The following DPYD variants were observed in gnomAD, a reference collection of about 807,000 sequenced individuals.
DPYD encodes the protein dihydropyrimidine dehydrogenase [NADP(+)].
A neutral mutation model predicts 116.2 loss-of-function variants in DPYD; 109 were observed. That is an observed-to-expected ratio of 0.94 (90% CI 0.80 to 1.10). The LOEUF (loss-of-function observed/expected upper bound fraction) is 1.10. Ranked by LOEUF, DPYD falls within the 50% of genes least tolerant of loss-of-function variation. The probability of loss-of-function intolerance (pLI) is 0.00; values close to 1 mark genes in which losing one functional copy is unlikely to be tolerated. For synonymous variants in DPYD, 440 were observed against 432.0 expected (o/e 1.02, Z -0.23); for missense variants, 1,302 against 1,254.5 (o/e 1.04, Z -0.57).
chr1:97,282,418 A>G (rs1665386170), intron 18 of DPYD, among the ~76,000 whole-genome samples: 1 of 151,840 alleles, frequency 6.6e-6, no homozygotes, highest in South Asian at 2.1e-4. Context: ...TTTTTCAGAG[A>G]TGCAGAGGTT....
rs182607430 is a variant in DPYD, at chr1:97,659,313, A to T, written c.850+19782T>A. ...GAATATATAAATTTGATATAATTACATATGTCCAACCAGGCTGCTTATAAA... is the reference window on the plus strand; with the variant it reads ...GAATATATAAATTTGATATAATTACTTATGTCCAACCAGGCTGCTTATAAA... On this transcript the variant is annotated intron_variant, in intron 8 of 22. Transcript: ENST00000370192. 1.1e-3 allele frequency among the ~76,000 whole-genome samples: 163 copies of T among 152,324 alleles called. 3 individuals carry two copies. The East Asian group carries it at 0.027, about 25-fold the overall frequency.
chr1:97,582,947 A>T lies in DPYD; in HGVS notation c.1129-8977T>A, dbSNP rs1653794910. 3.3e-5 allele frequency among the ~76,000 whole-genome samples: 5 copies of T among 151,912 alleles called. No homozygotes were observed. The South Asian group carries it at 1.1e-3, about 32-fold the overall frequency. The stretch of plus-strand genomic sequence containing the variant: ...TATCATTAAATACATCTCTTTTAAC[A>T]AGTAAAGGGTTGATTTTTTGTTGTT... On this transcript the variant is annotated intron_variant, in intron 10 of 22. Coordinates refer to ENST00000370192, the MANE Select transcript of DPYD (RefSeq NM_000110.4).
intron 13 of DPYD, among the ~76,000 whole-genome samples, chr1:97,514,042 A>T (rs1025806238): frequency 6.6e-6 from 1 of 151,882 alleles, no homozygotes; most frequent in African/African-American, 2.4e-5. Context: ...GTTTCCAAAA[A>T]ACCCCGCATG....
chr1:97,305,488 A>G, intron 17 of DPYD, 110 bp from the exon 18 acceptor site: 8 of 1,429,578 alleles, frequency 5.6e-6, no homozygotes, highest in Non-Finnish European at 7.8e-6. Flanking sequence ...TCTTGAGAAC[A>G]TGTCTTCTCC....
chr1:97,382,879 G>C (rs1489470534), intron 14 of DPYD, among the ~76,000 whole-genome samples: 1 of 146,750 alleles, frequency 6.8e-6, no homozygotes, highest in Non-Finnish European at 1.5e-5. Context: ...AAGGTTTTAA[G>C]TGATGGAAAA....
At position 97,295,728 on chromosome 1, in the gene DPYD, G is replaced by A. The variant is rs1666488186; in HGVS notation, c.2299+9531C>T. The A allele has an allele frequency of 4.1e-6, 4 of 981,170 alleles. No individual in the cohort carries two copies. In the Admixed American group the frequency reaches 2.5e-4, roughly 60 times the overall value. 60.8% of individuals were successfully genotyped at this position (981,170 alleles called of 1,614,324 possible). ...TTCCATGTGTGAGCCATCGCTCTCA[G>A]CCTGATAATTTTCTTAAAATTGCCA... On this transcript the variant is annotated intron_variant, in intron 18 of 22. Coordinates refer to ENST00000370192, the MANE Select transcript of DPYD (RefSeq NM_000110.4).
chr1:97,891,684 C>A (rs1672784685), intron 1 of DPYD, among the ~76,000 whole-genome samples: 2 of 151,780 alleles, frequency 1.3e-5, no homozygotes, highest in Admixed American at 6.6e-5. Flanking sequence ...CCTCATGTCA[C>A]AAACAAAATC....
Position 97,549,638 on chromosome 1 carries a change from G to C in DPYD, c.1446C>G (p.Val482=). The change falls in exon 12 of 23, where the codon GTC becomes GTG. Residue 482 remains valine, a synonymous_variant. Coordinates refer to ENST00000370192, the MANE Select transcript of DPYD (RefSeq NM_000110.4). ...CCACTGTAGTGTTAGCCAAACCAAC[G>C]ACATCACCACCTGCAAATACCCATG... is the stretch of plus-strand genomic sequence containing the variant. ...SEAWVFAGGD[V]VGLANTTVES... 6.2e-7 allele frequency: 1 copy of C among 1,613,764 alleles called. No homozygotes were observed. The highest frequency in any genetic ancestry group is 8.5e-7 in the Non-Finnish European group (1 of 1,179,860).
At chr1:97,913,123 C>T (rs1476650555) in intron 1 of DPYD, among the ~76,000 whole-genome samples, 1 of 152,090 alleles carries the variant, frequency 6.6e-6, no homozygotes, top group African/African-American at 2.4e-5. Flanking sequence ...TTACACAGAA[C>T]TCCAGCCATA....
chr1:97,614,784 AT>A (rs1015674826), intron 8 of DPYD, among the ~76,000 whole-genome samples: 1 of 152,138 alleles, frequency 6.6e-6, no homozygotes, highest in African/African-American at 2.4e-5. Context: ...ATGAAATATC[AT>A]TGTCTCATTT....
chr1:97,542,817 G>T (rs1211305194), intron 12 of DPYD, among the ~76,000 whole-genome samples: 1 of 152,128 alleles, frequency 6.6e-6, no homozygotes, highest in East Asian at 1.9e-4. Flanking sequence ...GCATAAATGA[G>T]ATTGATGGAT....
chr1:97,122,761 C>CCTTATATCACTTA (rs1652547649), intron 20 of DPYD, among the ~76,000 whole-genome samples: 1 of 152,116 alleles, frequency 6.6e-6, no homozygotes, highest in African/African-American at 2.4e-5. Context: ...ATCACTTACT[C>CCTTATATCACTTA]TATCCCTTCA....
At chr1:97,173,159 C>T (rs181320798) in intron 20 of DPYD, among the ~76,000 whole-genome samples, 10 of 150,734 alleles carry the variant, frequency 6.6e-5, no homozygotes, top group East Asian at 3.9e-4. Flanking sequence ...CACATATGTA[C>T]GTATATATGT....
At chr1:97,468,663 T>C (rs1677463002) in intron 13 of DPYD, among the ~76,000 whole-genome samples, 3 of 152,172 alleles carry the variant, frequency 2.0e-5, no homozygotes, top group Admixed American at 2.0e-4. Context: ...AAATCATTCT[T>C]AACTCATAGG....
chr1:97,628,604 T>C (rs774256965), intron 8 of DPYD, among the ~76,000 whole-genome samples: 33 of 151,964 alleles, frequency 2.2e-4, no homozygotes, highest in Non-Finnish European at 4.1e-4. Flanking sequence ...CCAATAATAA[T>C]AATGATAGTA....
rs77969809 is a variant in DPYD at position 97,754,331 on chromosome 1, T to C, written c.234-13852A>G. ...TAAATAACATCAATAAAATTAGCTG[T>C]CTACAGCTTAATATGATTTAAACTA... On this transcript the variant is annotated intron_variant, in intron 3 of 22. Coordinates refer to ENST00000370192, the MANE Select transcript of DPYD (RefSeq NM_000110.4). Among the ~76,000 whole-genome samples the C allele has an allele frequency of 5.9e-3, 896 of 152,244 alleles. 7 individuals are homozygous for C. The highest frequency in any genetic ancestry group is 0.02 in the African/African-American group (841 of 41,546).
intron 1 of DPYD, among the ~76,000 whole-genome samples, chr1:97,915,789 A>C (rs1674180825): frequency 6.6e-6 from 1 of 152,210 alleles, no homozygotes; most frequent in Non-Finnish European, 1.5e-5. Context: ...CATACAGCTG[A>C]GAGGCAGAAA....
At chr1:97,531,988 T>A (rs1649660232) in intron 12 of DPYD, among the ~76,000 whole-genome samples, 1 of 152,074 alleles carries the variant, frequency 6.6e-6, no homozygotes, top group Non-Finnish European at 1.5e-5. Context: ...TTACTGAATT[T>A]GTTTATTAGA....
intron 15 of DPYD, 91 bp from the exon 16 acceptor site, chr1:97,373,735 C>A: frequency 9.1e-7 from 1 of 1,104,314 alleles, no homozygotes; most frequent in South Asian, 1.3e-5. Context: ...TCACATTTGT[C>A]AAGTGTTAAC....
Sources: gnomAD v4.1 joint callset for allele counts (sites outside exome capture counted in the v4.1 genomes callset) on GRCh38, gnomAD v4.1.1 for gene constraint, MANE v1.5 for transcripts, NCBI Gene and HGNC (gene_info 2026-07-23, HGNC 2026-07-21) for gene names.